Variants in RBFOX1 observed in about 807,000 individuals in gnomAD.
The protein encoded by RBFOX1 is RNA binding protein fox-1 homolog 1.
Under a neutral mutation model 57.7 loss-of-function variants are expected in RBFOX1, and 8 were observed. The observed-to-expected ratio is 0.14, with a 90% CI of 0.08 to 0.25. RBFOX1 has a LOEUF of 0.25. RBFOX1 is among the 10% of genes least tolerant of loss of function. RBFOX1 has a pLI of 1.00. For missense variants in RBFOX1, 611 were observed against 548.5 expected, an observed-to-expected ratio of 1.11 and a Z score of -1.14; for synonymous variants, 326 against 222.4, an observed-to-expected ratio of 1.47 and a Z score of -4.15.
At chr16:6,015,096 G>T (rs1017350420), upstream of RBFOX1, among the ~76,000 whole-genome samples, 6 of 152,202 alleles carry the variant, frequency 3.9e-5, 1 homozygote, top group African/African-American at 1.4e-4. Flanking sequence ...GGCTCAAGCA[G>T]TCTGCCCACT....
chr16:6,101,130 A>G (rs572657753), intron 1 of RBFOX1, among the ~76,000 whole-genome samples: 5 of 152,286 alleles, frequency 3.3e-5, no homozygotes, highest in South Asian at 4.1e-4. Flanking sequence ...TGGGTATAAT[A>G]CTGACTTCTG....
At chr16:7,598,634 C>T (rs1229480015) in intron 9 of RBFOX1, among the ~76,000 whole-genome samples, 4 of 152,020 alleles carry the variant, frequency 2.6e-5, no homozygotes, top group Admixed American at 6.6e-5. Flanking sequence ...TTTTATTTTG[C>T]GTATTCATGC....
intron 4 of RBFOX1, among the ~76,000 whole-genome samples, chr16:7,361,915 T>G (rs991980067): frequency 1.3e-5 from 2 of 151,268 alleles, no homozygotes; most frequent in Admixed American, 6.6e-5. Context: ...TGTGTTAGTT[T>G]GCATATGTGT....
chr16:6,186,063 T>C (rs770496963), intron 1 of RBFOX1, among the ~76,000 whole-genome samples: 1 of 152,218 alleles, frequency 6.6e-6, no homozygotes, highest in Admixed American at 6.5e-5. Flanking sequence ...GTAGGAGGAT[T>C]GTCCAGAGGA....
intron 4 of RBFOX1, among the ~76,000 whole-genome samples, chr16:7,295,459 G>A (rs933859363): frequency 6.6e-6 from 1 of 151,994 alleles, no homozygotes; most frequent in South Asian, 2.1e-4. Context: ...GCTAGATAAT[G>A]GGCACCATTT....
At chr16:7,376,131 T>G (rs1192560389) in intron 4 of RBFOX1, among the ~76,000 whole-genome samples, 1 of 152,204 alleles carries the variant, frequency 6.6e-6, no homozygotes, top group East Asian at 1.9e-4. Context: ...ATAATACAAA[T>G]ATTTAGTAAG....
intron 2 of RBFOX1, among the ~76,000 whole-genome samples, chr16:6,572,695 C>T (rs1396394258): frequency 3.9e-5 from 6 of 151,968 alleles, no homozygotes; most frequent in African/African-American, 9.7e-5. Context: ...CGGGCTCAAG[C>T]GATTCTCTTG....
chr16:6,329,433 C>G (rs1287479294), intron 2 of RBFOX1, among the ~76,000 whole-genome samples: 1 of 152,200 alleles, frequency 6.6e-6, no homozygotes, highest in Non-Finnish European at 1.5e-5. Context: ...CCACCCATCT[C>G]AACTGTGGAG....
At chr16:6,786,310 C>T (rs1272627761) in intron 3 of RBFOX1, among the ~76,000 whole-genome samples, 3 of 152,068 alleles carry the variant, frequency 2.0e-5, no homozygotes, top group Admixed American at 6.5e-5. Flanking sequence ...TGTTATAATT[C>T]TTCCCACATT....
chr16:6,428,541 A>C (rs1405720859), intron 2 of RBFOX1, among the ~76,000 whole-genome samples: 2 of 152,064 alleles, frequency 1.3e-5, no homozygotes, highest in Non-Finnish European at 2.9e-5. Context: ...TCATCTGTAA[A>C]ATGGAAGTAA....
intron 2 of RBFOX1, among the ~76,000 whole-genome samples, chr16:5,597,395 CTTTT>C (rs35058375): frequency 2.2e-4 from 25 of 114,360 alleles, no homozygotes; most frequent in African/African-American, 5.7e-4. Context: ...AGCTTGCTGA[CTTTT>C]TTTTTTTTTT....
chr16:6,957,456 G>A (rs1338262564), intron 3 of RBFOX1, among the ~76,000 whole-genome samples: 1 of 152,072 alleles, frequency 6.6e-6, no homozygotes, highest in Non-Finnish European at 1.5e-5. Context: ...TCATGCCTCC[G>A]CTTGTTAGAC....
At chr16:5,401,422 G>A (rs78171095) in intron 1 of RBFOX1, among the ~76,000 whole-genome samples, 8,398 of 152,098 alleles carry the variant, frequency 0.055, 325 homozygotes, top group East Asian at 0.12. Flanking sequence ...GACTTGGTTT[G>A]CCCATCAGGT....
chr16:6,832,299 A>G (rs905356922), intron 3 of RBFOX1, among the ~76,000 whole-genome samples: 63 of 152,292 alleles, frequency 4.1e-4, no homozygotes, highest in Non-Finnish European at 8.8e-5. Flanking sequence ...ACATGTCATT[A>G]CCAGAGAGTT....
chr16:5,617,018 A>C (rs1389970018), intron 3 of RBFOX1, among the ~76,000 whole-genome samples: 1 of 151,734 alleles, frequency 6.6e-6, no homozygotes, highest in African/African-American at 2.4e-5. Context: ...TGAGTTAGAG[A>C]CTAGATCATG....
intron 1 of RBFOX1, among the ~76,000 whole-genome samples, chr16:5,331,778 G>T (rs1212349098): frequency 6.6e-6 from 1 of 152,266 alleles, no homozygotes; most frequent in Non-Finnish European, 1.5e-5. Context: ...TGATAGCCTT[G>T]TAGAAGTCAC....
chr16:6,409,859 TGA>T (rs1189406216), intron 2 of RBFOX1, among the ~76,000 whole-genome samples: 1 of 152,160 alleles, frequency 6.6e-6, no homozygotes, highest in Non-Finnish European at 1.5e-5. Context: ...ATTTTGTCCT[TGA>T]GAGTCTCGTG....
chr16:7,423,553 A>G (rs114068477), intron 4 of RBFOX1, among the ~76,000 whole-genome samples: 1,801 of 152,166 alleles, frequency 0.012, 38 homozygotes, highest in African/African-American at 0.04. Context: ...TGTACTTTCG[A>G]TTTCACAGTC....
chr16:6,129,305 C>A lies in RBFOX1; in HGVS notation c.-127+109313C>A, dbSNP rs76612724. 8.4e-3 allele frequency among the ~76,000 whole-genome samples: 1,271 copies of A among 151,314 alleles called. 21 individuals are homozygous for A. The highest frequency in any genetic ancestry group is 0.03 in the African/African-American group (1,218 of 41,236). ...TTACTTAAATGAATAAACAAGGGAT[C>A]CCAGGAAAAAAAATGGAAGTCATAA... On this transcript the variant is annotated intron_variant, in intron 1 of 15. Transcript: ENST00000550418.
Sources: gnomAD v4.1 joint callset for allele counts (sites outside exome capture counted in the v4.1 genomes callset) on GRCh38, gnomAD v4.1.1 for gene constraint, MANE v1.5 for transcripts, NCBI Gene and HGNC (gene_info 2026-07-23, HGNC 2026-07-21) for gene names.